CENPP: variants seen among roughly 807,000 people sequenced by gnomAD.
CENPP encodes the protein centromere protein P.
In CENPP, 24 loss-of-function variants were observed where a neutral mutation model predicts 35.6. The ratio of observed to expected loss-of-function variants is 0.67; its 90% CI spans 0.49 to 0.95. The LOEUF (loss-of-function observed/expected upper bound fraction) is 0.95. Among genes scored for constraint, CENPP ranks in the 40% least tolerant of loss-of-function variants. CENPP has a pLI of 0.00. For missense variants in CENPP, 332 were observed against 345.3 expected (o/e 0.96, Z 0.31); for synonymous variants, 120 against 125.5 (o/e 0.96, Z 0.29).
chr9:92,540,587 A>T (rs1399430800), intron 5 of CENPP, among the ~76,000 whole-genome samples: 1 of 151,696 alleles, frequency 6.6e-6, no homozygotes, highest in East Asian at 2.0e-4. Flanking sequence ...CCTGGCCAAC[A>T]TAGTGAAACC....
chr9:92,600,654 G>A (rs1588308672), intron 5 of CENPP: 1 of 1,420,592 alleles, frequency 7.0e-7, no homozygotes, highest in Middle Eastern at 2.6e-4. Context: ...TTCTGGTGGG[G>A]GTTGTGTTTT....
chr9:92,572,545 G>A (rs1441009241), intron 5 of CENPP, among the ~76,000 whole-genome samples: 1 of 152,098 alleles, frequency 6.6e-6, no homozygotes, highest in Non-Finnish European at 1.5e-5. Flanking sequence ...TTCAGCTTTG[G>A]TGAATCTGAC....
chr9:92,415,578 GTTAA>G (rs1843568342), intron 5 of CENPP: 1 of 492,984 alleles, frequency 2.0e-6, no homozygotes. Context: ...ATATAATTCT[GTTAA>G]TTAAAATATT....
At chr9:92,596,924 T>C (rs1231039621) in intron 5 of CENPP, among the ~76,000 whole-genome samples, 1 of 152,116 alleles carries the variant, frequency 6.6e-6, no homozygotes, top group African/African-American at 2.4e-5. Context: ...TAGCACTAGA[T>C]TGGGAAAAAG....
chr9:92,534,777 G>A (rs553062117), intron 5 of CENPP, among the ~76,000 whole-genome samples: 1 of 152,290 alleles, frequency 6.6e-6, no homozygotes, highest in South Asian at 2.1e-4. Context: ...TTTGCTGAGT[G>A]GCATGGCAAG....
intron 5 of CENPP, among the ~76,000 whole-genome samples, chr9:92,401,753 G>C (rs1040817856): frequency 6.6e-5 from 10 of 152,130 alleles, no homozygotes; most frequent in African/African-American, 2.4e-4. Flanking sequence ...TTGGGCCACT[G>C]GGGTAGGCCA....
At chr9:92,566,489 A>C (rs534293963) in intron 5 of CENPP, among the ~76,000 whole-genome samples, 2 of 152,314 alleles carry the variant, frequency 1.3e-5, no homozygotes, top group African/African-American at 4.8e-5. Context: ...CAAGAAAATG[A>C]TGTATGAACA....
chr9:92,567,791 A>G (rs989377806), intron 5 of CENPP, among the ~76,000 whole-genome samples: 4 of 152,134 alleles, frequency 2.6e-5, no homozygotes, highest in Non-Finnish European at 5.9e-5. Flanking sequence ...AGACTGTTAT[A>G]ACTTTGGGAT....
chr9:92,614,151 C>T lies in CENPP; in HGVS notation c.*1002C>T, dbSNP rs1851358623. On this transcript the variant is annotated 3_prime_UTR_variant, in exon 8 of 8. Coordinates refer to ENST00000375587, the MANE Select transcript of CENPP (RefSeq NM_001012267.3). Reference sequence around the variant, plus strand: ...TGTGCTAGGCAATAACTCTTGCAGCCCTGAAGGACCTAGGGAGCCCAGCCC... The same window carrying T: ...TGTGCTAGGCAATAACTCTTGCAGCTCTGAAGGACCTAGGGAGCCCAGCCC... 1 of 152,326 alleles carries T rather than the reference C, an allele frequency of 6.6e-6. No individual in the cohort carries two copies. The highest frequency in any genetic ancestry group is 1.5e-5 in the Non-Finnish European group (1 of 68,144). 9.4% of individuals were successfully genotyped at this position (152,326 alleles called of 1,614,324 possible). A position where few individuals can be genotyped will look rare whatever the true frequency, so the allele number is the denominator to read the frequency against.
intron 5 of CENPP, among the ~76,000 whole-genome samples, chr9:92,546,206 C>T (rs1457668993): frequency 1.3e-5 from 2 of 152,146 alleles, no homozygotes; most frequent in Non-Finnish European, 2.9e-5. Context: ...CAAAACGGAC[C>T]AATCAGCTCT....
chr9:92,534,419 A>G, intron 5 of CENPP, among the ~76,000 whole-genome samples: 1 of 152,178 alleles, frequency 6.6e-6, no homozygotes, highest in East Asian at 1.9e-4. Context: ...ACCTTTGTTC[A>G]ACAAACGGCA....
intron 5 of CENPP, among the ~76,000 whole-genome samples, chr9:92,390,587 T>TGTGTGTGTGTGTGTGC (rs749697394): frequency 6.3e-5 from 9 of 141,912 alleles, no homozygotes; most frequent in East Asian, 2.3e-4. Flanking sequence ...TGTGTGTGTG[T>TGTGTGTGTGTGTGTGC]GCGCGCGCGC....
intron 5 of CENPP, among the ~76,000 whole-genome samples, chr9:92,492,708 C>T (rs1846207698): frequency 6.6e-6 from 1 of 152,140 alleles, no homozygotes; most frequent in Non-Finnish European, 1.5e-5. Flanking sequence ...TCTTGGGTCC[C>T]CTAGACTTTC....
At chr9:92,460,563 T>C in intron 5 of CENPP, 3 of 1,537,080 alleles carry the variant, frequency 2.0e-6, no homozygotes, top group Non-Finnish European at 1.8e-6. Context: ...AAGTTGGTGG[T>C]AAGCCTAATA....
chr9:92,512,272 A>G (rs1847399604), intron 5 of CENPP: 1 of 474,496 alleles, frequency 2.1e-6, no homozygotes, highest in Admixed American at 4.1e-5. Context: ...TATATATTAT[A>G]TAACCAAAGC....
chr9:92,479,822 C>T (rs980203123), intron 5 of CENPP, among the ~76,000 whole-genome samples: 1 of 152,188 alleles, frequency 6.6e-6, no homozygotes, highest in Non-Finnish European at 1.5e-5. Context: ...ACCTGAGTCT[C>T]TTGCTGGGTC....
chr9:92,348,117 T>C (rs1241421639), intron 4 of CENPP, among the ~76,000 whole-genome samples: 15 of 148,998 alleles, frequency 1.0e-4, no homozygotes, highest in South Asian at 8.4e-4. Flanking sequence ...TCTTTCTTTT[T>C]TTTTTTTTTT....
At chr9:92,498,285 T>TA (rs1846472593) in intron 5 of CENPP, among the ~76,000 whole-genome samples, 1 of 152,070 alleles carries the variant, frequency 6.6e-6, no homozygotes, top group African/African-American at 2.4e-5. Context: ...AAGGATCATA[T>TA]AGTGTATAAA....
chr9:92,531,054 T>G (rs1313888867), intron 5 of CENPP, among the ~76,000 whole-genome samples: 1 of 152,188 alleles, frequency 6.6e-6, no homozygotes, highest in Admixed American at 6.5e-5. Context: ...TAGTGGCATA[T>G]TGTGGAGTTT....
Sources: gnomAD v4.1 joint callset for allele counts (sites outside exome capture counted in the v4.1 genomes callset) on GRCh38, gnomAD v4.1.1 for gene constraint, MANE v1.5 for transcripts, NCBI Gene and HGNC (gene_info 2026-07-23, HGNC 2026-07-21) for gene names.